Variants in INPP4B observed in about 807,000 individuals in gnomAD.
INPP4B encodes the protein inositol polyphosphate 4-phosphatase type II.
INPP4B carries 55 observed loss-of-function variants against 122.5 expected under a neutral mutation model. The ratio of observed to expected loss-of-function variants is 0.45; its 90% CI spans 0.36 to 0.56. The LOEUF is 0.56. Ranked by LOEUF, INPP4B falls within the 20% of genes least tolerant of loss-of-function variation. The pLI, the probability that INPP4B is intolerant of heterozygous loss-of-function variation, is 0.00. For missense variants in INPP4B, 1,000 were observed against 1,097.7 expected (o/e 0.91, Z 1.26); for synonymous variants, 403 against 388.7 (o/e 1.04, Z -0.43).
At chr4:142,554,907 T>C (rs1374254282) in intron 2 of INPP4B, among the ~76,000 whole-genome samples, 1 of 152,174 alleles carries the variant, frequency 6.6e-6, no homozygotes, top group Non-Finnish European at 1.5e-5. Flanking sequence ...GCGGATGCTA[T>C]TCCCTCTGTG....
intron 2 of INPP4B, among the ~76,000 whole-genome samples, chr4:142,554,655 T>C (rs1560793505): frequency 6.6e-6 from 1 of 152,224 alleles, no homozygotes; most frequent in South Asian, 2.1e-4. Context: ...ACTAGTGTCT[T>C]TGTGTTTTCA....
intron 1 of INPP4B, among the ~76,000 whole-genome samples, chr4:142,742,546 AAT>A (rs1768057060): frequency 6.6e-6 from 1 of 152,030 alleles, no homozygotes. Flanking sequence ...CTGTAGAAAA[AAT>A]ATAGTCTTAG....
At chr4:142,390,976 A>T (rs375807191) in intron 7 of INPP4B, among the ~76,000 whole-genome samples, 7 of 152,228 alleles carry the variant, frequency 4.6e-5, no homozygotes, top group Non-Finnish European at 1.0e-4. Flanking sequence ...CTTTAAATTC[A>T]TATCATTTGG....
intron 2 of INPP4B, among the ~76,000 whole-genome samples, chr4:142,541,899 A>C (rs1828988141): frequency 6.6e-6 from 1 of 152,028 alleles, no homozygotes; most frequent in African/African-American, 2.4e-5. Context: ...CCAGCTCGTG[A>C]AGATCACGAT....
chr4:142,134,292 T>C lies in INPP4B; in HGVS notation c.1721-9532A>G, dbSNP rs185427192. 2.0e-4 allele frequency among the ~76,000 whole-genome samples: 30 copies of C among 152,308 alleles called. No homozygotes were observed. The East Asian group carries it at 5.4e-3, about 27-fold the overall frequency. The stretch of plus-strand genomic sequence containing the variant: ...TGAGACGCAGAGAATGTAAATGGCT[T>C]GACAAAGGCCATGAAGCCAAATAAG... On this transcript the variant is annotated intron_variant, in intron 18 of 25. Coordinates refer to ENST00000262992, the MANE Select transcript of INPP4B (RefSeq NM_001101669.3).
chr4:142,228,685 G>GA (rs1179730304), intron 12 of INPP4B, among the ~76,000 whole-genome samples: 1 of 151,314 alleles, frequency 6.6e-6, no homozygotes, highest in Non-Finnish European at 1.5e-5. Context: ...AAGTACAATA[G>GA]AAAAAATACA....
chr4:142,202,338 C>T (rs1448571551), intron 14 of INPP4B, among the ~76,000 whole-genome samples: 1 of 152,032 alleles, frequency 6.6e-6, no homozygotes, highest in Non-Finnish European at 1.5e-5. Context: ...ACGCTGACCT[C>T]ATATCAAGGA....
intron 2 of INPP4B, among the ~76,000 whole-genome samples, chr4:142,673,100 C>T (rs1757233280): frequency 6.6e-6 from 1 of 152,102 alleles, no homozygotes; most frequent in African/African-American, 2.4e-5. Flanking sequence ...ATATACCTGT[C>T]CTTTACCTAG....
chr4:142,652,486 A>C lies in INPP4B; in HGVS notation c.-191+73353T>G, dbSNP rs1268595527. 2.6e-5 allele frequency among the ~76,000 whole-genome samples: 4 copies of C among 152,206 alleles called. No individual in the cohort carries two copies. The East Asian group carries it at 5.8e-4, about 22-fold the overall frequency. On this transcript the variant is annotated intron_variant, in intron 2 of 25. Transcript: ENST00000262992. ...TTAGAAAACCCCATCAACTCAGCCC[A>C]AAATCTCCTTAAGCTGATCAGCAAC...
intron 2 of INPP4B, among the ~76,000 whole-genome samples, chr4:142,514,819 G>A (rs1182850724): frequency 4.0e-5 from 5 of 123,562 alleles, no homozygotes; most frequent in East Asian, 2.6e-4. Flanking sequence ...TTTTTGAGAC[G>A]AAGTCTCACT....
At chr4:142,306,675 T>C (rs984746209) in intron 8 of INPP4B, among the ~76,000 whole-genome samples, 2 of 152,288 alleles carry the variant, frequency 1.3e-5, no homozygotes, top group African/African-American at 4.8e-5. Context: ...TTAACTTAGA[T>C]GAGCTGGTCC....
intron 23 of INPP4B, among the ~76,000 whole-genome samples, chr4:142,103,765 CTAAATT>C (rs1785621840): frequency 6.6e-6 from 1 of 151,914 alleles, no homozygotes; most frequent in South Asian, 2.1e-4. Context: ...CCAATATCTG[CTAAATT>C]TAATGTGAGG....
chr4:142,376,391 G>C (rs1561962365), intron 7 of INPP4B, among the ~76,000 whole-genome samples: 2 of 151,908 alleles, frequency 1.3e-5, no homozygotes, highest in Non-Finnish European at 2.9e-5. Flanking sequence ...ACCTAAAACA[G>C]GCACCAAATG....
intron 7 of INPP4B, among the ~76,000 whole-genome samples, chr4:142,329,815 C>A (rs1773796537): frequency 6.6e-6 from 1 of 152,072 alleles, no homozygotes; most frequent in African/African-American, 2.4e-5. Context: ...CACAAGGACA[C>A]TTGTGGATTA....
intron 7 of INPP4B, among the ~76,000 whole-genome samples, chr4:142,359,175 C>T (rs1455668509): frequency 6.6e-6 from 1 of 151,748 alleles, no homozygotes; most frequent in African/African-American, 2.4e-5. Flanking sequence ...TTCTTTCTTC[C>T]CTTTCTTTAA....
intron 2 of INPP4B, among the ~76,000 whole-genome samples, chr4:142,612,808 A>T (rs891348069): frequency 6.6e-6 from 1 of 152,142 alleles, no homozygotes; most frequent in Non-Finnish European, 1.5e-5. Flanking sequence ...GTTAGGATTT[A>T]ACACCCTATG....
rs975524123 is a variant in INPP4B, at chr4:142,402,734, G to A, written c.372+204C>T. Among the ~76,000 whole-genome samples the A allele has an allele frequency of 2.6e-5, 4 of 152,060 alleles. No homozygotes were observed. The East Asian group carries it at 7.7e-4, about 29-fold the overall frequency. On this transcript the variant is annotated intron_variant, in intron 7 of 25. Coordinates refer to ENST00000262992, the MANE Select transcript of INPP4B (RefSeq NM_001101669.3). Reference sequence around the variant, plus strand: ...CAGCTCTCCTGAAAAAGAAAAATCTGTTCCAAAAACTTTTGCTCCTAACCA... The same window carrying A: ...CAGCTCTCCTGAAAAAGAAAAATCTATTCCAAAAACTTTTGCTCCTAACCA...
At chr4:142,418,149 C>T (rs1806154074) in intron 5 of INPP4B, among the ~76,000 whole-genome samples, 1 of 151,898 alleles carries the variant, frequency 6.6e-6, no homozygotes, top group African/African-American at 2.4e-5. Context: ...TAAAAGAACC[C>T]CAAGGCCAAA....
Position 142,241,922 on chromosome 4 carries a change from G to A in INPP4B, c.689-3911C>T, listed in dbSNP as rs62328254. On this transcript the variant is annotated intron_variant, in intron 11 of 25. Transcript: ENST00000262992. ...ACACACTTTCTTGCTTCCAGTACAC[G>A]ATAGAAGCAGCATATTTAAATGAAT... Among the ~76,000 whole-genome samples, 634 of 152,254 alleles carry A rather than the reference G, an allele frequency of 4.2e-3. 2 individuals are homozygous for A. The highest frequency in any genetic ancestry group is 6.6e-3 in the Non-Finnish European group (452 of 68,004).
Sources: allele counts gnomAD v4.1 joint callset (sites outside exome capture counted in the v4.1 genomes callset), GRCh38; gene constraint gnomAD v4.1.1; transcripts MANE v1.5; gene names NCBI Gene and HGNC (gene_info 2026-07-23, HGNC 2026-07-21).